UBE2E3: variants seen among roughly 807,000 people sequenced by gnomAD.
The protein encoded by UBE2E3 is ubiquitin conjugating enzyme E2 E3, also known as ubiquitin-conjugating enzyme E2 E3.
Under a neutral mutation model 23.6 loss-of-function variants are expected in UBE2E3, and 5 were observed. The observed-to-expected ratio is 0.21, with a 90% confidence interval of 0.11 to 0.44. UBE2E3 has a LOEUF of 0.44. Among genes scored for constraint, UBE2E3 ranks in the 20% least tolerant of loss-of-function variants. UBE2E3 has a pLI of 0.99. For synonymous variants in UBE2E3, 78 were observed against 87.5 expected, an observed-to-expected ratio of 0.89 and a Z score of 0.60; for missense variants, 81 against 249.8, an observed-to-expected ratio of 0.32 and a Z score of 4.55.
chr2:180,999,202 G>C (rs73977156), intron 3 of UBE2E3, among the ~76,000 whole-genome samples: 2,743 of 152,210 alleles, frequency 0.018, 68 homozygotes, highest in African/African-American at 0.063. Flanking sequence ...CCTCCACAAA[G>C]GGTATTACAT....
intron 4 of UBE2E3, 120 bp downstream of exon 4, chr2:181,057,945 AT>A: frequency 9.1e-7 from 1 of 1,098,232 alleles, no homozygotes; most frequent in Non-Finnish European, 1.3e-6. Context: ...ATGGATTGAT[AT>A]GGAAATTTTC....
chr2:180,995,142 C>T (rs1307217472), intron 3 of UBE2E3, among the ~76,000 whole-genome samples: 5 of 152,036 alleles, frequency 3.3e-5, no homozygotes, highest in Non-Finnish European at 7.4e-5. Context: ...GTGATTTCTC[C>T]TGGTTCTCGT....
chr2:181,060,703 C>T lies in UBE2E3; in HGVS notation c.417C>T (p.Asn139=). ...CCAGAATCTATCACTGCAACATCAA[C>T]AGTCAGGGAGTCATCTGTCTGGACA... ...FRTRIYHCNI[N]SQGVICLDIL... The change falls in exon 5 of 6, where the codon AAC becomes AAT. Residue 139 remains asparagine, a synonymous_variant. Transcript: ENST00000410062. 18 of 1,609,776 alleles carry T rather than the reference C, an allele frequency of 1.1e-5. No homozygotes were observed. The highest frequency in any genetic ancestry group is 1.5e-5 in the Non-Finnish European group (18 of 1,177,992).
intron 3 of UBE2E3, among the ~76,000 whole-genome samples, chr2:181,041,234 C>CAAAAAA (rs1206207155): frequency 3.2e-4 from 25 of 77,178 alleles, no homozygotes; most frequent in Non-Finnish European, 4.0e-4. Flanking sequence ...GACTCCGTCT[C>CAAAAAA]AAAAAAAAAA....
chr2:181,005,583 C>A (rs889065227), intron 3 of UBE2E3, among the ~76,000 whole-genome samples: 1 of 152,160 alleles, frequency 6.6e-6, no homozygotes, highest in Non-Finnish European at 1.5e-5. Context: ...ATAGTCCTTA[C>A]CTCTTCCTAT....
chr2:181,029,812 G>A (rs922433310), intron 3 of UBE2E3, among the ~76,000 whole-genome samples: 20 of 149,238 alleles, frequency 1.3e-4, no homozygotes, highest in African/African-American at 4.9e-4. Context: ...TGTTTGAAAA[G>A]GTATTCTTTA....
chr2:180,981,880 G>A, intron 1 of UBE2E3, 138 bp from the exon 2 acceptor site: 1 of 656,974 alleles, frequency 1.5e-6, no homozygotes. Flanking sequence ...ACGTACCCCT[G>A]TTGTACGATG....
intron 3 of UBE2E3, among the ~76,000 whole-genome samples, chr2:181,031,136 A>C (rs1486475217): frequency 6.6e-6 from 1 of 152,118 alleles, no homozygotes. Flanking sequence ...ATTTTTTTAA[A>C]AAATTTGTTA....
At chr2:181,045,108 A>G (rs953597319) in intron 3 of UBE2E3, among the ~76,000 whole-genome samples, 8 of 152,206 alleles carry the variant, frequency 5.3e-5, no homozygotes, top group African/African-American at 1.9e-4. Flanking sequence ...CAGCAGGAAG[A>G]GCTGAGAATC....
At chr2:181,008,267 A>G (rs534998794) in intron 3 of UBE2E3, among the ~76,000 whole-genome samples, 4 of 152,360 alleles carry the variant, frequency 2.6e-5, no homozygotes, top group African/African-American at 4.8e-5. Context: ...TTATTGACCA[A>G]TTACTATGTG....
intron 4 of UBE2E3, 46 bp downstream of exon 4, chr2:181,057,871 T>C (rs1386986508): frequency 6.3e-7 from 1 of 1,585,056 alleles, no homozygotes; most frequent in Non-Finnish European, 8.6e-7. Flanking sequence ...CCTTCTCCTC[T>C]AAAATCGGTT....
intron 3 of UBE2E3, among the ~76,000 whole-genome samples, chr2:181,047,757 C>T (rs568609965): frequency 1.3e-4 from 20 of 152,254 alleles, no homozygotes; most frequent in South Asian, 4.1e-4. Context: ...ACAGCCCCTC[C>T]GGGCCTCCTC....
At chr2:181,008,433 A>C (rs1685216816) in intron 3 of UBE2E3, among the ~76,000 whole-genome samples, 1 of 152,242 alleles carries the variant, frequency 6.6e-6, no homozygotes, top group South Asian at 2.1e-4. Context: ...TCCAGAGTTC[A>C]TGCTCTTAAC....
Position 180,984,142 on chromosome 2 carries a change from A to C in UBE2E3, c.245+49A>C, listed in dbSNP as rs555168123. The C allele has an allele frequency of 1.2e-5, 18 of 1,509,036 alleles. No individual in the cohort carries two copies. In the African/African-American group the frequency reaches 1.9e-4, roughly 16 times the overall value. The allele number at this position is 1,509,036 out of a possible 1,614,324, so 93.5% of individuals were successfully genotyped here. On this transcript the variant is annotated intron_variant, in intron 3 of 5. Transcript: ENST00000410062. ...TGGTTTCAAATTGTGGAAAAATACC[A>C]AGAGATTGATGTATTGTCTGGATAT...
intron 3 of UBE2E3, among the ~76,000 whole-genome samples, chr2:181,017,158 T>G (rs1685518181): frequency 6.6e-6 from 1 of 151,470 alleles, no homozygotes; most frequent in African/African-American, 2.4e-5. Flanking sequence ...TCCCTGAGAG[T>G]GGGGAGAAGG....
intron 4 of UBE2E3, 39 bp downstream of exon 4, chr2:181,057,864 TCTC>T (rs1318697738): frequency 1.9e-6 from 3 of 1,594,586 alleles, no homozygotes; most frequent in Non-Finnish European, 2.6e-6. Context: ...ATTTAATCCT[TCTC>T]CTCTAAAATC....
intron 3 of UBE2E3, among the ~76,000 whole-genome samples, chr2:181,038,073 G>A (rs1686355586): frequency 6.6e-6 from 1 of 152,198 alleles, no homozygotes; most frequent in Non-Finnish European, 1.5e-5. Context: ...AAAGCCTGCA[G>A]TAGTGCACAG....
At chr2:181,060,473 A>G (rs1687114216) in intron 4 of UBE2E3, among the ~76,000 whole-genome samples, 192 bp from the exon 5 acceptor site, 2 of 151,774 alleles carry the variant, frequency 1.3e-5, no homozygotes, top group African/African-American at 4.8e-5. Flanking sequence ...TTCTTTCTAT[A>G]CAGGGTAAAA....
rs555274378 is a variant in UBE2E3, at chr2:181,026,271, T to C, written c.246-31422T>C. On this transcript the variant is annotated intron_variant, in intron 3 of 5. Transcript: ENST00000410062. Reference sequence around the variant, plus strand: ...AACCAGTTGTTTAGTATAGCAAATATAGATTACATATTCTGTAGATTGTCA... The same window carrying C: ...AACCAGTTGTTTAGTATAGCAAATACAGATTACATATTCTGTAGATTGTCA... Among the ~76,000 whole-genome samples, 20 of 152,070 alleles carry C rather than the reference T, an allele frequency of 1.3e-4. No individual in the cohort carries two copies. The East Asian group carries it at 1.5e-3, about 12-fold the overall frequency.
Sources: allele counts gnomAD v4.1 joint callset (sites outside exome capture counted in the v4.1 genomes callset), GRCh38; gene constraint gnomAD v4.1.1; transcripts MANE v1.5; gene names NCBI Gene and HGNC (gene_info 2026-07-23, HGNC 2026-07-21).